ATP11C: variants seen among roughly 807,000 people sequenced by gnomAD.
The protein encoded by ATP11C is ATPase phospholipid transporting 11C (ATP11C blood group), also known as phospholipid-transporting ATPase IG.
In ATP11C, 36 loss-of-function variants were observed where a neutral mutation model predicts 97.4. The observed-to-expected ratio is 0.37, with a 90% CI of 0.28 to 0.49. The LOEUF is 0.49. Among genes scored for constraint, ATP11C ranks in the 20% least tolerant of loss-of-function variants. The pLI, the probability that ATP11C is intolerant of heterozygous loss-of-function variation, is 0.98. For synonymous variants in ATP11C, 275 were observed against 290.9 expected, an observed-to-expected ratio of 0.95 and a Z score of 0.56; for missense variants, 730 against 824.6, an observed-to-expected ratio of 0.89 and a Z score of 1.40.
intron 1 of ATP11C, among the ~76,000 whole-genome samples, chrX:139,851,558 G>A (rs1391257632): frequency 1.8e-5 from 2 of 111,491 alleles, no homozygotes; most frequent in Non-Finnish European, 3.8e-5. Context: ...ATATGGGACT[G>A]GGACCATTAC....
chrX:139,908,463 C>T (rs1033091389), intron 1 of ATP11C, among the ~76,000 whole-genome samples: 1 of 112,174 alleles, frequency 8.9e-6, no homozygotes, highest in Middle Eastern at 4.6e-3. Context: ...TTATAAGGTC[C>T]ATCAGGACAT....
chrX:139,853,601 C>G (rs2084039386), intron 1 of ATP11C, among the ~76,000 whole-genome samples: 1 of 110,215 alleles, frequency 9.1e-6, no homozygotes, highest in Admixed American at 9.7e-5. Context: ...CCCTATAACA[C>G]TCCAATACCA....
At chrX:139,924,572 C>A (rs2085322212) in intron 1 of ATP11C, among the ~76,000 whole-genome samples, 1 of 110,875 alleles carries the variant, frequency 9.0e-6, no homozygotes, top group Non-Finnish European at 1.9e-5. Flanking sequence ...GTTTCCATCA[C>A]CCTGATAAGA....
chrX:139,919,014 G>T (rs1345197506), intron 1 of ATP11C, among the ~76,000 whole-genome samples: 1 of 111,648 alleles, frequency 9.0e-6, no homozygotes, highest in Non-Finnish European at 1.9e-5. Flanking sequence ...GCTGAGGAGG[G>T]TGCATCACCT....
intron 1 of ATP11C, chrX:139,832,387 T>C: frequency 7.7e-6 from 7 of 914,458 alleles, no homozygotes; most frequent in Middle Eastern, 5.8e-4. Flanking sequence ...AGTCTATTCC[T>C]TAAGAGCTCA....
intron 3 of ATP11C, among the ~76,000 whole-genome samples, chrX:139,817,970 G>A (rs893316968): frequency 9.0e-6 from 1 of 111,175 alleles, no homozygotes; most frequent in East Asian, 2.8e-4. Context: ...CCCTCAACAA[G>A]CCCTGCCTCT....
intron 1 of ATP11C, among the ~76,000 whole-genome samples, chrX:139,851,460 C>T (rs990479575): frequency 9.8e-5 from 11 of 112,446 alleles, no homozygotes; most frequent in Admixed American, 8.4e-4. Flanking sequence ...GGAGCCACCA[C>T]AGAAAGCTCC....
Position 139,733,591 on chromosome X carries a change from G to A in ATP11C, c.3289-1836C>T, listed in dbSNP as rs765255541. Among the ~76,000 whole-genome samples, 5 of 112,233 alleles carry A rather than the reference G, an allele frequency of 4.5e-5. No homozygotes were observed. The South Asian group carries it at 1.8e-3, about 41-fold the overall frequency. ...AATGAAGAAAGTTGATAGACATATT[G>A]ATAGAATGCAAATTACCAATTGATA... On this transcript the variant is annotated intron_variant, in intron 28 of 29. Coordinates refer to ENST00000682941, the MANE Select transcript of ATP11C (RefSeq NM_001353812.2).
At chrX:139,786,419 C>CT (rs1462446961) in intron 15 of ATP11C, among the ~76,000 whole-genome samples, 1 of 110,969 alleles carries the variant, frequency 9.0e-6, no homozygotes, top group African/African-American at 3.3e-5. Flanking sequence ...AATCTAAACT[C>CT]TGACAATGAC....
chrX:139,928,641 T>C (rs2085389259), intron 1 of ATP11C, among the ~76,000 whole-genome samples: 1 of 111,983 alleles, frequency 8.9e-6, no homozygotes, highest in African/African-American at 3.2e-5. Flanking sequence ...TTTCCATTCT[T>C]CCTTATGCAG....
chrX:139,826,013 C>T (rs1043452174), intron 2 of ATP11C, among the ~76,000 whole-genome samples: 5 of 112,043 alleles, frequency 4.5e-5, no homozygotes, highest in Non-Finnish European at 3.8e-5. Flanking sequence ...CATTTAGAAT[C>T]GGGGCGATTA....
intron 2 of ATP11C, among the ~76,000 whole-genome samples, chrX:139,824,242 A>G (rs2083475655): frequency 9.0e-6 from 1 of 110,872 alleles, no homozygotes; most frequent in African/African-American, 3.3e-5. Flanking sequence ...TTCATAGCAG[A>G]GTACAATCAA....
chrX:139,825,246 TATTCA>T (rs1231548240), intron 2 of ATP11C, among the ~76,000 whole-genome samples: 1 of 111,772 alleles, frequency 8.9e-6, no homozygotes, highest in Non-Finnish European at 1.9e-5. Flanking sequence ...AAGACCTCTT[TATTCA>T]GAGCAACTAG....
chrX:139,737,588 G>A, intron 28 of ATP11C: 1 of 176,181 alleles, frequency 5.7e-6, no homozygotes, highest in Non-Finnish European at 1.1e-5. Context: ...GAAAATGTTG[G>A]TGTGGAAATT....
intron 1 of ATP11C, among the ~76,000 whole-genome samples, chrX:139,828,631 G>T (rs2083581298): frequency 8.9e-6 from 1 of 111,858 alleles, no homozygotes; most frequent in Admixed American, 9.5e-5. Context: ...TATTCATATG[G>T]CTGTTTAGTT....
intron 18 of ATP11C, among the ~76,000 whole-genome samples, chrX:139,781,504 G>A (rs2082457247): frequency 9.0e-6 from 1 of 111,635 alleles, no homozygotes; most frequent in South Asian, 3.7e-4. Context: ...TTTGAGGCCA[G>A]CAGTTCAAGA....
At chrX:139,778,762 G>A (rs1414702031) in intron 18 of ATP11C, among the ~76,000 whole-genome samples, 3 of 111,452 alleles carry the variant, frequency 2.7e-5, no homozygotes, top group East Asian at 2.8e-4. Flanking sequence ...CCCAGGAGGC[G>A]AAGTTGCAGT....
intron 1 of ATP11C, among the ~76,000 whole-genome samples, chrX:139,851,683 G>A (rs193121632): frequency 4.0e-4 from 45 of 112,052 alleles, no homozygotes; most frequent in Admixed American, 3.9e-3. Context: ...AGCCATAGGA[G>A]CAAGGCTGCC....
chrX:139,826,756 G>A lies in ATP11C; in HGVS notation c.95C>T (p.Thr32Ile), dbSNP rs780434359. 5.8e-6 allele frequency: 7 copies of A among 1,205,977 alleles called. No individual in the cohort carries two copies. The Admixed American group carries it at 8.8e-5, about 15-fold the overall frequency. Residue 32 changes from threonine to isoleucine, a missense_variant, in exon 2 of 30, where the codon ACA becomes ATA. Transcript: ENST00000682941. Reference sequence around the variant, plus strand: ...AAATCTTTGTGCAATGTAAGCTTCTGTTTCCGAAACTGGATGATTGCCAAC... The same window carrying A: ...AAATCTTTGTGCAATGTAAGCTTCTATTTCCGAAACTGGATGATTGCCAAC... ...VFVGNHPVSE[T>I]EAYIAQRFCD...
Sources: gnomAD v4.1 joint callset for allele counts (sites outside exome capture counted in the v4.1 genomes callset) on GRCh38, gnomAD v4.1.1 for gene constraint, MANE v1.5 for transcripts, NCBI Gene and HGNC (gene_info 2026-07-23, HGNC 2026-07-21) for gene names.